LRRIQ1: variants seen among roughly 807,000 people sequenced by gnomAD.
LRRIQ1 encodes leucine-rich repeat- and IQ domain-containing protein 1.
A neutral mutation model predicts 211.9 loss-of-function variants in LRRIQ1; 210 were observed. That is an observed-to-expected ratio of 0.99 (90% CI 0.89 to 1.11). The LOEUF (loss-of-function observed/expected upper bound fraction) is 1.11, where lower values mean the gene tolerates loss of function less well. Among genes scored for constraint, LRRIQ1 ranks in the 50% most tolerant of loss-of-function variants. The pLI is 0.00. For synonymous variants in LRRIQ1, 699 were observed against 650.1 expected, an observed-to-expected ratio of 1.08 and a Z score of -1.14; for missense variants, 2,136 against 1,939.5, an observed-to-expected ratio of 1.10 and a Z score of -1.90.
chr12:85,057,861 T>G (rs1881310417), intron 8 of LRRIQ1, among the ~76,000 whole-genome samples: 1 of 152,060 alleles, frequency 6.6e-6, no homozygotes, highest in Non-Finnish European at 1.5e-5. Context: ...GCACTTATGA[T>G]TAAAATACAT....
chr12:85,063,096 T>C (rs1245269546), intron 8 of LRRIQ1, among the ~76,000 whole-genome samples: 1 of 151,820 alleles, frequency 6.6e-6, no homozygotes, highest in Non-Finnish European at 1.5e-5. Context: ...TGCTGCATAT[T>C]ATATGTTTGT....
intron 10 of LRRIQ1, among the ~76,000 whole-genome samples, chr12:85,069,017 G>A (rs951413866): frequency 1.3e-5 from 2 of 151,284 alleles, no homozygotes; most frequent in African/African-American, 4.9e-5. Flanking sequence ...GTATACATGT[G>A]CCATGTTGGT....
intron 6 of LRRIQ1, among the ~76,000 whole-genome samples, chr12:85,051,290 G>A (rs1231287356): frequency 2.0e-5 from 3 of 151,840 alleles, no homozygotes; most frequent in African/African-American, 7.3e-5. Context: ...TGCTGGCACC[G>A]TTCTTCCTGT....
chr12:85,271,255 G>A, the LRRIQ1 span, among the ~76,000 whole-genome samples: 3 of 152,014 alleles, frequency 2.0e-5, no homozygotes, highest in South Asian at 2.1e-4. Flanking sequence ...TGTAACACAC[G>A]TTGTTCAGTG....
downstream of LRRIQ1, among the ~76,000 whole-genome samples, chr12:85,245,611 T>A (rs2137280491): frequency 6.6e-6 from 1 of 150,820 alleles, no homozygotes; most frequent in Admixed American, 6.7e-5. Context: ...TGTAAACATT[T>A]AAAAAATAGC....
intron 24 of LRRIQ1, among the ~76,000 whole-genome samples, chr12:85,197,865 A>T (rs1015979631): frequency 2.2e-5 from 3 of 135,332 alleles, no homozygotes; most frequent in African/African-American, 8.3e-5. Context: ...AATATAATAA[A>T]TATAATAAAT....
intron 24 of LRRIQ1, among the ~76,000 whole-genome samples, chr12:85,227,500 G>A (rs547451076): frequency 2.6e-5 from 4 of 151,870 alleles, no homozygotes; most frequent in Admixed American, 6.6e-5. Flanking sequence ...CATATCCTTC[G>A]CCCACTTTTT....
chr12:85,145,330 T>C (rs528145986), intron 19 of LRRIQ1, among the ~76,000 whole-genome samples: 87 of 151,780 alleles, frequency 5.7e-4, no homozygotes, highest in Non-Finnish European at 1.0e-3. Context: ...AGATCAACTG[T>C]CCATGAAATA....
At position 85,056,419 on chromosome 12, in the gene LRRIQ1, A is replaced by G. The variant is rs1193746571; in HGVS notation, c.1626A>G (p.Lys542=). Residue 542 remains lysine (K), a synonymous_variant, in exon 8 of 27, where the codon AAA becomes AAG. Transcript: ENST00000393217. ...CACAAAAAGAAGAAAAAATCATGAA[A>G]CATGTCATAAATGAGAATACAGGAC... is the stretch of plus-strand genomic sequence containing the variant. ...SDAQKEEKIM[K]HVINENTGQK... 6.3e-7 allele frequency: 1 copy of G among 1,589,270 alleles called. No individual in the cohort carries two copies. The highest frequency in any genetic ancestry group is 8.5e-7 in the Non-Finnish European group (1 of 1,173,654).
At chr12:85,232,633 T>G (rs1455667611) in intron 25 of LRRIQ1, 63 bp from the exon 26 acceptor site, 2 of 1,340,534 alleles carry the variant, frequency 1.5e-6, no homozygotes, top group African/African-American at 3.0e-5. Context: ...AGTTGGACGT[T>G]TCTTTTATAT....
In LRRIQ1 at chr12:85,244,771, C is replaced by T. The variant is rs201185864; in HGVS notation, c.5017-18C>T. 222 of 1,606,992 alleles carry T rather than the reference C, an allele frequency of 1.4e-4. No individual in the cohort carries two copies. The highest frequency in any genetic ancestry group is 5.0e-5 in the Admixed American group (3 of 59,682). On this transcript the variant is annotated intron_variant, in intron 26 of 26. Transcript: ENST00000393217. ...ATTTTGTTTCATGATTGTATACATT[C>T]TCTTCCATTGCTCCCAGGCAAGACT...
At chr12:85,208,159 G>T (rs1344603874) in intron 24 of LRRIQ1, among the ~76,000 whole-genome samples, 7 of 151,278 alleles carry the variant, frequency 4.6e-5, no homozygotes, top group Non-Finnish European at 8.8e-5. Flanking sequence ...TTAGATTACT[G>T]TAGCTTTATA....
In LRRIQ1 at chr12:85,127,809, GT is replaced by G. The variant is rs538364343; in HGVS notation, c.4008-14del. 300 of 1,541,964 alleles carry G rather than the reference GT, an allele frequency of 1.9e-4. No individual in the cohort carries two copies. Among genetic ancestry groups the G allele is most frequent in the Non-Finnish European group, 2.4e-4 (269 of 1,125,542 alleles). ...TTTACAGATAATAAAAAAAGTGTGT[GT>G]TTTTTTTTCTCCTCTTAATAGTATG... is the stretch of plus-strand genomic sequence containing the variant. On this transcript the variant is annotated intron_variant, in intron 17 of 26. Transcript: ENST00000393217.
intron 20 of LRRIQ1, 25 bp from the exon 21 acceptor site, chr12:85,152,999 A>T (rs1890333258): frequency 6.6e-7 from 1 of 1,504,698 alleles, no homozygotes; most frequent in African/African-American, 1.4e-5. Flanking sequence ...TTTACTTCAC[A>T]CTTATTTACT....
chr12:85,269,113 C>A (rs1338744450), downstream of LRRIQ1, among the ~76,000 whole-genome samples: 1 of 151,910 alleles, frequency 6.6e-6, no homozygotes, highest in Admixed American at 6.6e-5. Context: ...GAGAGTAGAA[C>A]AAACCAAGGA....
intron 26 of LRRIQ1, among the ~76,000 whole-genome samples, chr12:85,234,722 A>C (rs1379162993): frequency 6.6e-6 from 1 of 152,204 alleles, no homozygotes; most frequent in Non-Finnish European, 1.5e-5. Flanking sequence ...AAACCACTGC[A>C]ACTGTTACTA....
intron 15 of LRRIQ1, among the ~76,000 whole-genome samples, chr12:85,118,172 C>T (rs1887710093): frequency 6.6e-6 from 1 of 152,018 alleles, no homozygotes; most frequent in Non-Finnish European, 1.5e-5. Flanking sequence ...ACCAGAAACA[C>T]GATGTATGTT....
At chr12:85,110,407 A>G (rs936456148) in intron 15 of LRRIQ1, among the ~76,000 whole-genome samples, 1 of 152,132 alleles carries the variant, frequency 6.6e-6, no homozygotes, top group Non-Finnish European at 1.5e-5. Flanking sequence ...TTATGTATGT[A>G]ACCCAGCCTC....
At chr12:85,216,070 G>A (rs1406549931) in intron 24 of LRRIQ1, among the ~76,000 whole-genome samples, 1 of 152,098 alleles carries the variant, frequency 6.6e-6, no homozygotes, top group East Asian at 1.9e-4. Context: ...TGTGCGGAAC[G>A]TGCAGGTTCG....
Sources: gnomAD v4.1 joint callset for allele counts (sites outside exome capture counted in the v4.1 genomes callset) on GRCh38, gnomAD v4.1.1 for gene constraint, MANE v1.5 for transcripts, NCBI Gene and HGNC (gene_info 2026-07-23, HGNC 2026-07-21) for gene names.